DNAH11: variants seen among roughly 807,000 people sequenced by gnomAD.
DNAH11 encodes the protein axonemal beta dynein heavy chain 11.
A neutral mutation model predicts 526.0 loss-of-function variants in DNAH11; 442 were observed. That is an observed-to-expected ratio of 0.84 (90% CI 0.78 to 0.91). The LOEUF (loss-of-function observed/expected upper bound fraction) is 0.91, where lower values mean the gene tolerates loss of function less well. Ranked by LOEUF, DNAH11 falls within the 40% of genes least tolerant of loss-of-function variation. DNAH11 has a pLI of 0.00. For missense variants in DNAH11, 6,989 were observed against 5,448.7 expected, an observed-to-expected ratio of 1.28 and a Z score of -8.90; for synonymous variants, 2,461 against 1,935.9, an observed-to-expected ratio of 1.27 and a Z score of -7.12.
At chr7:21,730,724 A>G (rs1177964939) in intron 45 of DNAH11, among the ~76,000 whole-genome samples, 1 of 152,228 alleles carries the variant, frequency 6.6e-6, no homozygotes, top group Non-Finnish European at 1.5e-5. Flanking sequence ...CAAGGGATAC[A>G]AAATTTCAGT....
chr7:21,560,188 T>C (rs1783397192), intron 4 of DNAH11, among the ~76,000 whole-genome samples: 3 of 152,224 alleles, frequency 2.0e-5, no homozygotes, highest in African/African-American at 7.2e-5. Flanking sequence ...ACAAATTACT[T>C]ACTTAAGGTT....
intron 57 of DNAH11, among the ~76,000 whole-genome samples, chr7:21,783,923 C>T (rs1171772040): frequency 1.3e-5 from 2 of 152,156 alleles, no homozygotes; most frequent in Non-Finnish European, 2.9e-5. Context: ...TCCATGACCA[C>T]AGAATAGAAT....
rs755523883 is a variant in DNAH11 at position 21,707,729 on chromosome 7, A to C, written c.6577A>C (p.Asn2193His). The C allele has an allele frequency of 2.3e-5, 37 of 1,613,526 alleles. No individual in the cohort carries two copies. Among genetic ancestry groups the C allele is most frequent in the Non-Finnish European group, 3.1e-5 (37 of 1,179,632 alleles). The change falls in exon 40 of 82, where the codon AAC becomes CAC. Residue 2193 changes from asparagine to histidine, a missense_variant. Asn to His is a moderately conservative substitution (Grantham distance 68, BLOSUM62 1). Transcript: ENST00000409508. ...GAGAACACTGAACCGAACATATGTT[A>C]ACATGAAACAGAAGCCGGTTTGGAA... is the stretch of plus-strand genomic sequence containing the variant. ...ILRTLNRTYVNMKQKPVWNDL... is the reference protein window; with the variant it reads ...ILRTLNRTYVHMKQKPVWNDL...
chr7:21,852,776 G>C (rs1782691809), intron 67 of DNAH11, 145 bp downstream of exon 67: 3 of 761,844 alleles, frequency 3.9e-6, no homozygotes, highest in Non-Finnish European at 5.7e-6. Flanking sequence ...CAGTTGGACT[G>C]TGTGGGATTG....
In DNAH11 at chr7:21,725,792, T is replaced by A. The variant is rs1583631113; in HGVS notation, c.7267-19T>A. On this transcript the variant is annotated intron_variant, in intron 44 of 81. Transcript: ENST00000409508. The stretch of plus-strand genomic sequence containing the variant: ...AATTACTTTGAGTCTGCAATAAGGA[T>A]TTCTTTTGTTCTCCTTAGATTTCTG... 6.3e-7 allele frequency: 1 copy of A among 1,598,478 alleles called. No individual in the cohort carries two copies. Among genetic ancestry groups the A allele is most frequent in the East Asian group, 2.2e-5 (1 of 44,732 alleles).
At chr7:21,632,284 C>G (rs1366185862) in intron 25 of DNAH11, among the ~76,000 whole-genome samples, 1 of 152,208 alleles carries the variant, frequency 6.6e-6, no homozygotes, top group African/African-American at 2.4e-5. Flanking sequence ...CCACAAAGGT[C>G]TCTGATGCCT....
At position 21,610,915 on chromosome 7, in the gene DNAH11, G is replaced by C. The variant is rs982360238; in HGVS notation, c.3852+4182G>C. Among the ~76,000 whole-genome samples, 21 of 152,236 alleles carry C rather than the reference G, an allele frequency of 1.4e-4. 1 individual carries two copies. The highest frequency in any genetic ancestry group is 5.1e-4 in the African/African-American group (21 of 41,462). Reference sequence around the variant, plus strand: ...TTCTATTCATACTTCCTGGAAGAGAGAATGAACAGAATATAGTCTGCAAGA... The same window carrying C: ...TTCTATTCATACTTCCTGGAAGAGACAATGAACAGAATATAGTCTGCAAGA... On this transcript the variant is annotated intron_variant, in intron 20 of 81. Transcript: ENST00000409508.
intron 30 of DNAH11, among the ~76,000 whole-genome samples, chr7:21,665,320 C>G (rs1035511715): frequency 6.6e-6 from 1 of 152,112 alleles, no homozygotes; most frequent in Non-Finnish European, 1.5e-5. Flanking sequence ...GTTGGTAATA[C>G]TGGCTAGTTG....
At chr7:21,561,341 T>C in intron 5 of DNAH11, 171 bp downstream of exon 5, 1 of 555,530 alleles carries the variant, frequency 1.8e-6, no homozygotes, top group East Asian at 3.0e-5. Context: ...CCACCCATAC[T>C]AAACTACTTT....
At chr7:21,607,886 C>T (rs959379767) in intron 20 of DNAH11, among the ~76,000 whole-genome samples, 9 of 133,592 alleles carry the variant, frequency 6.7e-5, no homozygotes, top group Admixed American at 1.9e-4. Context: ...TGCAGTGAGC[C>T]GAGATTGCGC....
Position 21,543,368 on chromosome 7 carries a change from C to T in DNAH11, c.123C>T (p.Asn41=). Residue 41 remains asparagine (N), a synonymous_variant, in exon 1 of 82, where the codon AAC becomes AAT. Coordinates refer to ENST00000409508, the MANE Select transcript of DNAH11 (RefSeq NM_001277115.2). ...TGGAGCTCGAGGAGGAGGAGGAGAACGAGGAGGAGGCGGCGGCCAGGAGAG... is the reference window on the plus strand; with the variant it reads ...TGGAGCTCGAGGAGGAGGAGGAGAATGAGGAGGAGGCGGCGGCCAGGAGAG... ...GAVELEEEEE[N]EEEAAARRAR... is the part of the protein sequence containing the mutation. 2.6e-6 allele frequency: 4 copies of T among 1,551,690 alleles called. No homozygotes were observed. Among genetic ancestry groups the T allele is most frequent in the South Asian group, 2.4e-5 (2 of 84,060 alleles).
chr7:21,781,429 G>C (rs1267775832), intron 57 of DNAH11, among the ~76,000 whole-genome samples: 3 of 152,200 alleles, frequency 2.0e-5, no homozygotes, highest in Non-Finnish European at 4.4e-5. Flanking sequence ...CATCAAGCCT[G>C]TGAAAATTAG....
chr7:21,743,204 G>A (rs1452730179), intron 49 of DNAH11, among the ~76,000 whole-genome samples: 1 of 152,252 alleles, frequency 6.6e-6, no homozygotes, highest in Non-Finnish European at 1.5e-5. Flanking sequence ...TTTAGATTGA[G>A]TGAGTGAGTG....
At chr7:21,685,977 T>A (rs1379003257) in intron 32 of DNAH11, among the ~76,000 whole-genome samples, 3 of 152,174 alleles carry the variant, frequency 2.0e-5, no homozygotes, top group African/African-American at 7.2e-5. Flanking sequence ...GCCATATGCC[T>A]ACCCAAAACT....
At chr7:21,777,379 T>C (rs1328571629) in intron 56 of DNAH11, among the ~76,000 whole-genome samples, 1 of 151,958 alleles carries the variant, frequency 6.6e-6, no homozygotes, top group Non-Finnish European at 1.5e-5. Flanking sequence ...ATAAAGCTGT[T>C]ATGAATACCC....
chr7:21,811,425 C>A (rs1321096573), intron 63 of DNAH11, among the ~76,000 whole-genome samples: 2 of 150,450 alleles, frequency 1.3e-5, no homozygotes, highest in African/African-American at 4.9e-5. Flanking sequence ...CACTGTACTC[C>A]AGCCTGGGTG....
intron 66 of DNAH11, among the ~76,000 whole-genome samples, chr7:21,845,992 T>C (rs1171519738): frequency 1.3e-5 from 2 of 152,240 alleles, no homozygotes; most frequent in African/African-American, 4.8e-5. Context: ...TGTTTGGTAC[T>C]AATGTAAATG....
intron 64 of DNAH11, 115 bp from the exon 65 acceptor site, chr7:21,818,102 T>G (rs1789884668): frequency 9.8e-7 from 1 of 1,025,010 alleles, no homozygotes; most frequent in African/African-American, 1.6e-5. Flanking sequence ...AATAGTTTTC[T>G]CTAAGTTTGT....
At chr7:21,612,552 C>G (rs201016864) in intron 20 of DNAH11, among the ~76,000 whole-genome samples, 21 of 65,222 alleles carry the variant, frequency 3.2e-4, no homozygotes, top group Admixed American at 1.3e-3. Flanking sequence ...GAGGCTCCGT[C>G]TCAAAAAAAA....
Sources: gnomAD v4.1 joint callset for allele counts (sites outside exome capture counted in the v4.1 genomes callset) on GRCh38, gnomAD v4.1.1 for gene constraint, MANE v1.5 for transcripts, NCBI Gene and HGNC (gene_info 2026-07-23, HGNC 2026-07-21) for gene names.